The following SENP7 variants were observed in gnomAD, a reference collection of about 807,000 sequenced individuals.
SENP7 encodes SUMO specific peptidase 7.
In SENP7, 64 loss-of-function variants were observed where a neutral mutation model predicts 141.2. That is an observed-to-expected ratio of 0.45 (90% CI 0.37 to 0.56). SENP7 has a LOEUF of 0.56. Ranked by LOEUF, SENP7 falls within the 20% of genes least tolerant of loss-of-function variation. SENP7 has a pLI of 0.00. For synonymous variants in SENP7, 382 were observed against 426.4 expected, an observed-to-expected ratio of 0.90 and a Z score of 1.28; for missense variants, 1,025 against 1,212.2, an observed-to-expected ratio of 0.85 and a Z score of 2.29.
intron 7 of SENP7, among the ~76,000 whole-genome samples, chr3:101,371,617 A>G (rs2060183764): frequency 6.6e-6 from 1 of 152,158 alleles, no homozygotes; most frequent in African/African-American, 2.4e-5. Context: ...AAGTTGAGAG[A>G]AATTCTAATG....
intron 17 of SENP7, among the ~76,000 whole-genome samples, chr3:101,336,676 T>A (rs2059193605): frequency 2.6e-5 from 4 of 152,210 alleles, no homozygotes; most frequent in Admixed American, 1.3e-4. Context: ...TAACTCAGCT[T>A]TATCATGAGT....
At chr3:101,418,356 C>A (rs1212640313) in intron 4 of SENP7, among the ~76,000 whole-genome samples, 3 of 151,678 alleles carry the variant, frequency 2.0e-5, no homozygotes, top group Admixed American at 6.6e-5. Context: ...GCAAGCAGTT[C>A]CAGCAACACT....
Position 101,343,861 on chromosome 3 carries a change from A to G in SENP7, c.1931T>C (p.Ile644Thr), listed in dbSNP as rs1212027145. Residue 644 changes from isoleucine (I) to threonine (T), a missense_variant, in exon 14 of 24, where the codon ATA becomes ACA. Physicochemically the swap from Ile to Thr is moderately conservative, Grantham distance 89. Around this residue, in one of 4 missense-constraint regions of SENP7, gnomAD observed 228 missense variants for 228.5 expected, o/e 1.00. Transcript: ENST00000394095. ...KLKDIMTEISIISGELELSYP... is the reference protein window; with the variant it reads ...KLKDIMTEISTISGELELSYP... The stretch of plus-strand genomic sequence containing the variant: ...AGAAAGCTCTAATTCTCCACTGATT[A>G]TACTTATTTCCGTCATAATATCTTT... The G allele has an allele frequency of 6.2e-7, 1 of 1,613,524 alleles. No homozygotes were observed. Among genetic ancestry groups the G allele is most frequent in the African/African-American group, 1.3e-5 (1 of 74,928 alleles).
chr3:101,364,457 T>C (rs1372835717), intron 10 of SENP7, among the ~76,000 whole-genome samples: 5 of 152,188 alleles, frequency 3.3e-5, no homozygotes, highest in African/African-American at 9.7e-5. Flanking sequence ...ACTGCCTTCA[T>C]AGTATGTGAG....
At chr3:101,365,565 G>T (rs533573434) in intron 9 of SENP7, among the ~76,000 whole-genome samples, 2 of 150,026 alleles carry the variant, frequency 1.3e-5, no homozygotes, top group African/African-American at 4.9e-5. Flanking sequence ...AGCCCAGGAG[G>T]GGGAGGTTGC....
In SENP7 at chr3:101,329,501, T is replaced by C. The variant is rs545343627; in HGVS notation, c.2752-812A>G. Among the ~76,000 whole-genome samples, 6 of 152,158 alleles carry C rather than the reference T, an allele frequency of 3.9e-5. 1 individual carries two copies. The highest frequency in any genetic ancestry group is 1.4e-4 in the African/African-American group (6 of 41,530). ...TTGTACATATAAAAAAAAAAAATCA[T>C]TAAGTGGCAATCTTAATTTAGAACA... On this transcript the variant is annotated intron_variant, in intron 20 of 23. Transcript: ENST00000394095.
chr3:101,442,081 A>G lies in SENP7; in HGVS notation c.284+16874T>C, dbSNP rs183396788. Among the ~76,000 whole-genome samples, 4 of 152,276 alleles carry G rather than the reference A, an allele frequency of 2.6e-5. No individual in the cohort carries two copies. In the East Asian group the frequency reaches 7.7e-4, roughly 29 times the overall value. On this transcript the variant is annotated intron_variant, in intron 4 of 23. Transcript: ENST00000394095. ...TTAATCCATAAAACTGAAAGAAACAACTGTCACACCAGATGCATGGATATC... is the reference window on the plus strand; with the variant it reads ...TTAATCCATAAAACTGAAAGAAACAGCTGTCACACCAGATGCATGGATATC...
At chr3:101,420,851 T>C (rs988150772) in intron 4 of SENP7, among the ~76,000 whole-genome samples, 3 of 152,094 alleles carry the variant, frequency 2.0e-5, no homozygotes, top group African/African-American at 7.2e-5. Flanking sequence ...CTCAATGTGA[T>C]GGTTAAAAGG....
intron 16 of SENP7, among the ~76,000 whole-genome samples, chr3:101,339,023 A>G (rs1031550144): frequency 6.6e-6 from 1 of 152,238 alleles, no homozygotes; most frequent in East Asian, 1.9e-4. Flanking sequence ...AAATCAGTCA[A>G]TTGAACCCAG....
chr3:101,494,526 T>C (rs2065087796), intron 2 of SENP7, among the ~76,000 whole-genome samples: 1 of 152,102 alleles, frequency 6.6e-6, no homozygotes, highest in South Asian at 2.1e-4. Context: ...GTACTCCAGA[T>C]TCTTGTCAAA....
At chr3:101,512,974 T>C (rs900511749) in intron 1 of SENP7, 117 bp downstream of exon 1, 2 of 1,181,152 alleles carry the variant, frequency 1.7e-6, no homozygotes, top group South Asian at 2.4e-5. Flanking sequence ...CCCCTTCCTC[T>C]CCCCGCCCCC....
chr3:101,374,659 T>C (rs1476102478), intron 6 of SENP7, among the ~76,000 whole-genome samples: 1 of 151,346 alleles, frequency 6.6e-6, no homozygotes, highest in Admixed American at 6.6e-5. Context: ...GCCCCTGTAG[T>C]CTTAGCTACT....
intron 12 of SENP7, among the ~76,000 whole-genome samples, chr3:101,348,884 T>C (rs2059541454): frequency 6.6e-6 from 1 of 151,728 alleles, no homozygotes; most frequent in Non-Finnish European, 1.5e-5. Context: ...GGAATACAAA[T>C]ATCAGTCAAG....
chr3:101,477,941 A>G (rs55774498), intron 3 of SENP7, among the ~76,000 whole-genome samples: 60,216 of 151,732 alleles, frequency 0.4, 12,475 homozygotes, highest in Admixed American at 0.54. Context: ...CAAAGAATCA[A>G]TGAAAAAAAG....
intron 5 of SENP7, chr3:101,414,365 T>C: frequency 1.2e-6 from 1 of 819,718 alleles, no homozygotes; most frequent in South Asian, 1.4e-5. Context: ...CTGCAGCAGG[T>C]GCACCAGTGC....
Position 101,458,945 on chromosome 3 carries a change from C to CCTTACT in SENP7, c.284+9_284+10insAGTAAG. On this transcript the variant is annotated intron_variant, in intron 4 of 23. Coordinates refer to ENST00000394095, the MANE Select transcript of SENP7 (RefSeq NM_020654.5). ...AAGCCCATACTATGTCGCACACACA[C>CCTTACT]ATATCTTACCTTTCTGGTGATGACT... 6.5e-7 allele frequency: 1 copy of CCTTACT among 1,532,804 alleles called. No individual in the cohort carries two copies. Among genetic ancestry groups the CCTTACT allele is most frequent in the Non-Finnish European group, 9.0e-7 (1 of 1,113,226 alleles). 95.0% of individuals were successfully genotyped at this position (1,532,804 alleles called of 1,614,324 possible). A position where few individuals can be genotyped will look rare whatever the true frequency, so the allele number is the denominator to read the frequency against.
Position 101,389,419 on chromosome 3 carries a change from C to T in SENP7, c.677+9442G>A, listed in dbSNP as rs527344479. On this transcript the variant is annotated intron_variant, in intron 6 of 23. Transcript: ENST00000394095. ...ACAGCAAAAGAAACATGTCTAGACA[C>T]TTATAAGAGAATCTCCATCAAACAA... Among the ~76,000 whole-genome samples, 36 of 152,176 alleles carry T rather than the reference C, an allele frequency of 2.4e-4. No homozygotes were observed. The South Asian group carries it at 5.0e-3, about 21-fold the overall frequency.
At chr3:101,473,410 T>G (rs914819774) in intron 3 of SENP7, among the ~76,000 whole-genome samples, 2 of 152,162 alleles carry the variant, frequency 1.3e-5, no homozygotes, top group Non-Finnish European at 2.9e-5. Flanking sequence ...CTTTTGGAGT[T>G]TTTAATAGTA....
chr3:101,469,100 G>A (rs2063876625), intron 3 of SENP7, among the ~76,000 whole-genome samples: 1 of 151,984 alleles, frequency 6.6e-6, no homozygotes, highest in South Asian at 2.1e-4. Context: ...AACCAACAAA[G>A]ATCAAGAGAC....
Sources: gnomAD v4.1 joint callset for allele counts (sites outside exome capture counted in the v4.1 genomes callset) on GRCh38, gnomAD v4.1.1 for gene constraint, gnomAD v4.1.1 regional missense constraint, MANE v1.5 for transcripts, NCBI Gene and HGNC (gene_info 2026-07-23, HGNC 2026-07-21) for gene names.